The following MYO10 variants were observed in gnomAD, a reference collection of about 807,000 sequenced individuals.
MYO10 encodes myosin X, also known as unconventional myosin-X.
Under a neutral mutation model 257.3 loss-of-function variants are expected in MYO10, and 133 were observed. The observed-to-expected ratio is 0.52, with a 90% CI of 0.45 to 0.60. MYO10 has a LOEUF of 0.60. Ranked by LOEUF, MYO10 falls within the 20% of genes least tolerant of loss-of-function variation. The pLI is 0.00. For synonymous variants in MYO10, 1,104 were observed against 1,028.6 expected (o/e 1.07, Z -1.40); for missense variants, 2,399 against 2,635.7 (o/e 0.91, Z 1.97).
chr5:16,811,619 G>A lies in MYO10; in HGVS notation c.279+6390C>T, dbSNP rs151186074. The stretch of plus-strand genomic sequence containing the variant: ...GGCTGGAGTACAGTGACACAATCTC[G>A]GCTCACTGCTGCCTCAACCTCCCCG... On this transcript the variant is annotated intron_variant, in intron 3 of 40. Transcript: ENST00000513610. Among the ~76,000 whole-genome samples, 1,137 of 152,078 alleles carry A rather than the reference G, an allele frequency of 7.5e-3. 7 individuals carry two copies. The highest frequency in any genetic ancestry group is 0.012 in the Non-Finnish European group (832 of 68,004).
chr5:16,742,331 G>T, intron 19 of MYO10: 1 of 759,552 alleles, frequency 1.3e-6, no homozygotes, highest in Non-Finnish European at 1.6e-6. Flanking sequence ...ACCACTGAGG[G>T]CTTTACTGGG....
rs753714556 is a variant in MYO10 at position 16,670,580 on chromosome 5, G to A, written c.5829C>T (p.Tyr1943=). The A allele has an allele frequency of 1.2e-6, 2 of 1,613,988 alleles. No individual in the cohort carries two copies. The highest frequency in any genetic ancestry group is 1.7e-6 in the Non-Finnish European group (2 of 1,179,882). The change falls in exon 39 of 41, where the codon TAC becomes TAT. Residue 1943 remains tyrosine, a synonymous_variant. Coordinates refer to ENST00000513610, the MANE Select transcript of MYO10 (RefSeq NM_012334.3). The part of the protein sequence containing the change: ...GMNQEQAMAK[Y]MALIKEWPGY... Reference sequence around the variant, plus strand: ...CAGGCCACTCCTTGATCAAGGCCATGTACTTGGCCATGGCCTGTTCCTGGT... The same window carrying A: ...CAGGCCACTCCTTGATCAAGGCCATATACTTGGCCATGGCCTGTTCCTGGT...
At chr5:16,911,703 T>C (rs1275764145) in intron 1 of MYO10, among the ~76,000 whole-genome samples, 2 of 151,968 alleles carry the variant, frequency 1.3e-5, no homozygotes, top group Non-Finnish European at 2.9e-5. Context: ...CTGCACTCCA[T>C]CCTGGGTAAC....
chr5:16,873,546 T>G (rs965208848), intron 2 of MYO10, among the ~76,000 whole-genome samples: 4 of 152,208 alleles, frequency 2.6e-5, no homozygotes, highest in Non-Finnish European at 5.9e-5. Flanking sequence ...CGACTCTGTG[T>G]GGGGGTTCCA....
rs186165763 is a variant in MYO10 at position 16,770,147 on chromosome 5, G to A, written c.931-944C>T. 1.2e-3 allele frequency among the ~76,000 whole-genome samples: 176 copies of A among 152,186 alleles called. 1 individual carries two copies. Among genetic ancestry groups the A allele is most frequent in the Admixed American group, 3.7e-3 (56 of 15,270 alleles). On this transcript the variant is annotated intron_variant, in intron 9 of 40. Transcript: ENST00000513610. ...CTGGCTTGGCTGAGGCAGGAGTATC[G>A]CATGAACCCAGGAGTTCAAGGTTAC... is the stretch of plus-strand genomic sequence containing the variant.
chr5:16,675,721 G>C (rs575504178), intron 34 of MYO10, among the ~76,000 whole-genome samples: 1 of 152,080 alleles, frequency 6.6e-6, no homozygotes, highest in African/African-American at 2.4e-5. Flanking sequence ...CTGAGTGACA[G>C]AGTAAGACTC....
intron 2 of MYO10, among the ~76,000 whole-genome samples, chr5:16,818,722 A>C (rs12188617): frequency 0.56 from 84,436 of 151,726 alleles, 23,669 homozygotes; most frequent in South Asian, 0.68. Flanking sequence ...TACAGGCATG[A>C]GCCACAGAGC....
chr5:16,919,912 A>G (rs907978698), intron 1 of MYO10, among the ~76,000 whole-genome samples: 3 of 152,182 alleles, frequency 2.0e-5, no homozygotes, highest in African/African-American at 7.2e-5. Context: ...AGAGATCAAG[A>G]CCATCCTGGC....
intron 19 of MYO10, among the ~76,000 whole-genome samples, chr5:16,727,940 T>C (rs1023312289): frequency 1.1e-4 from 16 of 151,230 alleles, no homozygotes; most frequent in African/African-American, 3.9e-4. Flanking sequence ...AGCTCTCCAG[T>C]GTTTAGTACA....
At chr5:16,918,519 T>TG (rs1745890069) in intron 1 of MYO10, among the ~76,000 whole-genome samples, 2 of 149,412 alleles carry the variant, frequency 1.3e-5, no homozygotes, top group African/African-American at 4.9e-5. Context: ...TTTTTTTTTT[T>TG]GAGACAGAGT....
intron 19 of MYO10, among the ~76,000 whole-genome samples, chr5:16,728,740 C>T (rs1739466913): frequency 6.6e-6 from 1 of 152,180 alleles, no homozygotes; most frequent in East Asian, 1.9e-4. Flanking sequence ...CTACTGTGCA[C>T]TAGGACCTGT....
chr5:16,818,255 G>T, intron 2 of MYO10, 88 bp from the exon 3 acceptor site: 2 of 1,107,250 alleles, frequency 1.8e-6, no homozygotes, highest in Non-Finnish European at 1.2e-6. Flanking sequence ...TACAATCTCA[G>T]TATAATTTCA....
intron 25 of MYO10, 149 bp from the exon 26 acceptor site, chr5:16,699,722 G>A (rs1035795933): frequency 2.4e-6 from 2 of 828,696 alleles, no homozygotes; most frequent in African/African-American, 3.7e-5. Flanking sequence ...AGGAGGCAGT[G>A]ACTGCACTGA....
In MYO10 at chr5:16,663,328, G is replaced by GTTTTTTTTTTTTTTTTTTTTTTTTTTT. The variant is rs70940395; in HGVS notation, c.*3337_*3363dup. The stretch of plus-strand genomic sequence containing the variant: ...AAAAAGTAACATTTTACTTCTAGTT[G>GTTTTTTTTTTTTTTTTTTTTTTTTTTT]TTTTTTTTTTTTTTTTTTTTTTTTT... On this transcript the variant is annotated 3_prime_UTR_variant, in exon 41 of 41. Transcript: ENST00000513610. 1.3e-5 allele frequency: 1 copy of GTTTTTTTTTTTTTTTTTTTTTTTTTTT among 76,888 alleles called. No individual in the cohort carries two copies. Among genetic ancestry groups the GTTTTTTTTTTTTTTTTTTTTTTTTTTT allele is most frequent in the Non-Finnish European group, 2.3e-5 (1 of 43,478 alleles). 4.8% of individuals were successfully genotyped at this position (76,888 alleles called of 1,614,324 possible). A position where few individuals can be genotyped will look rare whatever the true frequency, so the allele number is the denominator to read the frequency against.
chr5:16,834,467 T>C (rs1743254392), intron 2 of MYO10, among the ~76,000 whole-genome samples: 1 of 152,094 alleles, frequency 6.6e-6, no homozygotes, highest in African/African-American at 2.4e-5. Flanking sequence ...GATCAATCTG[T>C]GGGGACCAGG....
intron 1 of MYO10, among the ~76,000 whole-genome samples, chr5:16,904,274 A>G (rs1745460841): frequency 1.3e-5 from 2 of 152,146 alleles, no homozygotes; most frequent in African/African-American, 2.4e-5. Flanking sequence ...GCGCCTCTTC[A>G]TCTAGTAGTC....
chr5:16,752,386 A>C (rs1223757432), intron 19 of MYO10, among the ~76,000 whole-genome samples: 1 of 152,074 alleles, frequency 6.6e-6, no homozygotes, highest in Non-Finnish European at 1.5e-5. Flanking sequence ...GGGTTCAAGC[A>C]ATTCTCCTGC....
intron 21 of MYO10, among the ~76,000 whole-genome samples, chr5:16,708,984 T>TA (rs1738471224): frequency 6.6e-6 from 1 of 152,202 alleles, no homozygotes; most frequent in Non-Finnish European, 1.5e-5. Context: ...TGTCACCTCT[T>TA]ATAGTTTTTC....
chr5:16,794,749 T>C lies in MYO10; in HGVS notation c.364A>G (p.Ser122Gly), dbSNP rs928231962. ...GGCAGCTCGCCCAGGTGGCGCCGGCTGTACTGCTCCATGGTGGCAGGCTCG... is the reference window on the plus strand; with the variant it reads ...GGCAGCTCGCCCAGGTGGCGCCGGCCGTACTGCTCCATGGTGGCAGGCTCG... ...LYEPATMEQY[S>G]RRHLGELPPH... Residue 122 changes from serine to glycine, a missense_variant, in exon 4 of 41, where the codon AGC becomes GGC. Ser to Gly is a moderately conservative substitution (Grantham distance 56). Coordinates refer to ENST00000513610, the MANE Select transcript of MYO10 (RefSeq NM_012334.3). The C allele has an allele frequency of 3.7e-6, 6 of 1,612,392 alleles. No individual in the cohort carries two copies. The highest frequency in any genetic ancestry group is 5.1e-6 in the Non-Finnish European group (6 of 1,179,314).
Sources: allele counts gnomAD v4.1 joint callset (sites outside exome capture counted in the v4.1 genomes callset), GRCh38; gene constraint gnomAD v4.1.1; transcripts MANE v1.5; gene names NCBI Gene and HGNC (gene_info 2026-07-23, HGNC 2026-07-21).